Variants in PTPRD observed in about 807,000 individuals in gnomAD.
PTPRD encodes the protein protein tyrosine phosphatase receptor type D.
PTPRD carries 34 observed loss-of-function variants against 214.5 expected under a neutral mutation model. That is an observed-to-expected ratio of 0.16 (90% CI 0.12 to 0.21). PTPRD has a LOEUF of 0.21. Ranked by LOEUF, PTPRD falls within the 10% of genes least tolerant of loss-of-function variation. PTPRD has a pLI of 1.00. For synonymous variants in PTPRD, 1,128 were observed against 845.7 expected (o/e 1.33, Z -5.79); for missense variants, 2,545 against 2,398.7 (o/e 1.06, Z -1.27).
rs181569500 is a variant in PTPRD at position 10,442,673 on chromosome 9, G to C, written c.-599-101656C>G. Among the ~76,000 whole-genome samples, 178 of 151,666 alleles carry C rather than the reference G, an allele frequency of 1.2e-3. 1 individual carries two copies. The highest frequency in any genetic ancestry group is 4.0e-3 in the African/African-American group (167 of 41,494). On this transcript the variant is annotated intron_variant, in intron 2 of 45. Transcript: ENST00000381196. Reference sequence around the variant, plus strand: ...GAGTTCTTGCAAGAAATGTTCATTTGAAAATTTGTAGGTTAGAGTACATTT... The same window carrying C: ...GAGTTCTTGCAAGAAATGTTCATTTCAAAATTTGTAGGTTAGAGTACATTT...
At chr9:9,782,607 C>G (rs2098860721) in intron 5 of PTPRD, among the ~76,000 whole-genome samples, 1 of 152,192 alleles carries the variant, frequency 6.6e-6, no homozygotes, top group South Asian at 2.1e-4. Context: ...AATCCTTTGA[C>G]TTAACCATGC....
intron 5 of PTPRD, among the ~76,000 whole-genome samples, chr9:9,775,261 A>C (rs1306036965): frequency 6.6e-6 from 1 of 152,216 alleles, no homozygotes; most frequent in Non-Finnish European, 1.5e-5. Flanking sequence ...CTGCTAACAC[A>C]GACATATCAC....
chr9:9,762,615 C>G (rs1305173264), intron 6 of PTPRD, among the ~76,000 whole-genome samples: 1 of 152,188 alleles, frequency 6.6e-6, no homozygotes, highest in African/African-American at 2.4e-5. Flanking sequence ...CACTATTCAG[C>G]CAAGTTCTTT....
At chr9:9,327,935 A>T (rs186902742) in intron 9 of PTPRD, among the ~76,000 whole-genome samples, 1 of 151,838 alleles carries the variant, frequency 6.6e-6, no homozygotes, top group East Asian at 1.9e-4. Context: ...AAAAAAATTC[A>T]TAATATTTTA....
intron 2 of PTPRD, among the ~76,000 whole-genome samples, chr9:10,593,084 A>G (rs985266114): frequency 6.6e-6 from 1 of 152,054 alleles, no homozygotes; most frequent in Non-Finnish European, 1.5e-5. Flanking sequence ...CGAACCCACC[A>G]GAAGGAACCA....
intron 3 of PTPRD, among the ~76,000 whole-genome samples, chr9:10,327,107 A>G (rs555629182): frequency 2.3e-4 from 34 of 150,516 alleles, no homozygotes; most frequent in African/African-American, 8.0e-4. Context: ...TATATCATGT[A>G]CATTACATAT....
At chr9:8,766,709 C>G (rs1378501341) in intron 11 of PTPRD, among the ~76,000 whole-genome samples, 3 of 152,152 alleles carry the variant, frequency 2.0e-5, no homozygotes, top group Non-Finnish European at 4.4e-5. Context: ...CATCATCACT[C>G]ATGGATTCAC....
chr9:10,167,688 T>C (rs1564273179), intron 3 of PTPRD, among the ~76,000 whole-genome samples: 1 of 152,234 alleles, frequency 6.6e-6, no homozygotes, highest in African/African-American at 2.4e-5. Context: ...CCTCTGAGGC[T>C]ATCCATTTTG....
intron 14 of PTPRD, among the ~76,000 whole-genome samples, chr9:8,608,367 C>T (rs1201616351): frequency 6.6e-6 from 1 of 152,076 alleles, no homozygotes; most frequent in Non-Finnish European, 1.5e-5. Context: ...ATATGGTATT[C>T]CTAATAAAGA....
At chr9:9,738,376 T>C (rs1032514997) in intron 6 of PTPRD, among the ~76,000 whole-genome samples, 3 of 152,062 alleles carry the variant, frequency 2.0e-5, no homozygotes, top group African/African-American at 4.8e-5. Flanking sequence ...TTTTTTCATA[T>C]GGTTATTGCC....
At chr9:8,489,736 A>C (rs1334905304) in intron 27 of PTPRD, among the ~76,000 whole-genome samples, 1 of 152,236 alleles carries the variant, frequency 6.6e-6, no homozygotes, top group Non-Finnish European at 1.5e-5. Flanking sequence ...GGGAAAAGGA[A>C]TGAGGAGAGT....
At chr9:9,547,128 A>G (rs1343226893) in intron 8 of PTPRD, among the ~76,000 whole-genome samples, 1 of 152,020 alleles carries the variant, frequency 6.6e-6, no homozygotes, top group African/African-American at 2.4e-5. Context: ...GCCATACCAA[A>G]CTTACACAAA....
intron 9 of PTPRD, among the ~76,000 whole-genome samples, chr9:9,307,619 T>C (rs768741293): frequency 1.3e-5 from 2 of 152,154 alleles, no homozygotes; most frequent in Non-Finnish European, 2.9e-5. Context: ...ATTTCTTGAC[T>C]ACCCCAGTGG....
intron 9 of PTPRD, among the ~76,000 whole-genome samples, chr9:9,326,388 T>C (rs901690962): frequency 6.6e-6 from 1 of 152,178 alleles, no homozygotes; most frequent in Non-Finnish European, 1.5e-5. Flanking sequence ...CAAAGAATTA[T>C]GAAATATTTG....
intron 35 of PTPRD, among the ~76,000 whole-genome samples, chr9:8,430,650 G>A (rs890579824): frequency 7.9e-5 from 12 of 152,002 alleles, no homozygotes; most frequent in Admixed American, 7.2e-4. Flanking sequence ...TAGCAGTGGG[G>A]TAGTACCTAT....
At chr9:10,141,209 C>T (rs2098982390) in intron 3 of PTPRD, among the ~76,000 whole-genome samples, 1 of 152,044 alleles carries the variant, frequency 6.6e-6, no homozygotes, top group Non-Finnish European at 1.5e-5. Context: ...GATGCCCTCT[C>T]TCACCACTCC....
intron 7 of PTPRD, among the ~76,000 whole-genome samples, chr9:9,611,359 C>T (rs2094502716): frequency 1.3e-5 from 2 of 152,064 alleles, no homozygotes; most frequent in Non-Finnish European, 2.9e-5. Flanking sequence ...AGCATTGATG[C>T]TGACCATTAT....
At chr9:8,948,679 G>T (rs1289707915) in intron 11 of PTPRD, among the ~76,000 whole-genome samples, 3 of 143,964 alleles carry the variant, frequency 2.1e-5, no homozygotes, top group African/African-American at 7.8e-5. Flanking sequence ...TACAAATTAA[G>T]TTATAAAATA....
intron 7 of PTPRD, among the ~76,000 whole-genome samples, chr9:9,637,509 A>C (rs1194215336): frequency 6.6e-6 from 1 of 152,188 alleles, no homozygotes; most frequent in East Asian, 1.9e-4. Flanking sequence ...TCAAACTTGA[A>C]CTTAATCTTC....
Sources: gnomAD v4.1 joint callset for allele counts (sites outside exome capture counted in the v4.1 genomes callset) on GRCh38, gnomAD v4.1.1 for gene constraint, MANE v1.5 for transcripts, NCBI Gene and HGNC (gene_info 2026-07-23, HGNC 2026-07-21) for gene names.